BCL7C: variants seen among roughly 807,000 people sequenced by gnomAD.
BCL7C encodes the protein BAF chromatin remodeling complex subunit BCL7C.
In BCL7C, 8 loss-of-function variants were observed where a neutral mutation model predicts 26.2. The observed-to-expected ratio is 0.30, with a 90% confidence interval of 0.18 to 0.55. BCL7C has a LOEUF of 0.55. Among genes scored for constraint, BCL7C ranks in the 20% least tolerant of loss-of-function variants. The pLI is 0.93. For synonymous variants in BCL7C, 90 were observed against 116.5 expected (o/e 0.77, Z 1.47); for missense variants, 262 against 298.5 (o/e 0.88, Z 0.90).
Position 30,892,933 on chromosome 16 carries a change from C to T in BCL7C, c.187G>A (p.Gly63Ser). Residue 63 changes from glycine to serine, a missense_variant, in exon 3 of 6, where the codon GGT becomes AGT. Gly to Ser is a moderately conservative substitution (Grantham distance 56, BLOSUM62 0). Coordinates refer to ENST00000215115, the MANE Select transcript of BCL7C (RefSeq NM_004765.4). ...DPQEEERRRA[G>S]GGAERSRGRE... ...CCACGGGATCTCTCTGCCCCGCCAC[C>T]TGCCCGCCTTCGCTCCTGGGGGTTA... 6.2e-7 allele frequency: 1 copy of T among 1,612,844 alleles called. No individual in the cohort carries two copies.
chr16:30,893,019 G>T lies in BCL7C; in HGVS notation c.172-71C>A. The T allele has an allele frequency of 6.8e-7, 1 of 1,468,706 alleles. No homozygotes were observed. The highest frequency in any genetic ancestry group is 1.2e-5 in the South Asian group (1 of 82,498). The allele number at this position is 1,468,706 out of a possible 1,614,324, so 91.0% of individuals were successfully genotyped here. A position where few individuals can be genotyped will look rare whatever the true frequency, so the allele number is the denominator to read the frequency against. On this transcript the variant is annotated intron_variant, in intron 2 of 5. Transcript: ENST00000215115. The surrounding 1 kb of genome is among the most constrained non-coding windows in gnomAD (Gnocchi z 5.2). ...ATACACCTAAGGAAACTGAGGCACT[G>T]AGAAGCAAAAGGGCTCAAACTCAGG...
rs2054558990 is a variant in BCL7C, at chr16:30,834,731, G to T, written c.*217C>A. ...GCCTCAGGCACTGGATGTGGTCCGA[G>T]TTCTGCCCTAAGCCCTTCCCATGCA... On this transcript the variant is annotated 3_prime_UTR_variant, in exon 6 of 6. Coordinates refer to the BCL7C transcript ENST00000380317. This position sits in a 1 kb window ranked among gnomAD's most constrained non-coding sequence, Gnocchi z 4.3. 4.1e-6 allele frequency: 2 copies of T among 489,866 alleles called. No homozygotes were observed. The highest frequency in any genetic ancestry group is 3.9e-5 in the Admixed American group (1 of 25,854). 30.3% of individuals were successfully genotyped at this position (489,866 alleles called of 1,614,324 possible).
intron 5 of BCL7C, among the ~76,000 whole-genome samples, chr16:30,849,517 T>C (rs1474066141): frequency 6.6e-6 from 1 of 151,950 alleles, no homozygotes; most frequent in Non-Finnish European, 1.5e-5. Context: ...AGTAGCACGA[T>C]CTCAACTCAC....
Position 30,879,689 on chromosome 16 carries a change from C to CAAAAAAAAAAAAAAAAAAAAA in BCL7C, c.528+9170_528+9171insTTTTTTTTTTTTTTTTTTTTT, listed in dbSNP as rs1187827463. On this transcript the variant is annotated intron_variant, in intron 5 of 5. Transcript: ENST00000380317. ...AACACAGAGAGACTCCCCTTCTCTACAAAAAAAAAAAAAAAAAAAACTGGG... is the reference window on the plus strand; with the variant it reads ...AACACAGAGAGACTCCCCTTCTCTACAAAAAAAAAAAAAAAAAAAAAAAAAAAAAAAAAAAAAAAAACTGGG... Among the ~76,000 whole-genome samples, 184 of 29,396 alleles carry CAAAAAAAAAAAAAAAAAAAAA rather than the reference C, an allele frequency of 6.3e-3. 68 individuals carry two copies. The highest frequency in any genetic ancestry group is 0.022 in the South Asian group (6 of 272). 19.3% of individuals were successfully genotyped at this position (29,396 alleles called of 152,430 possible). A position where few individuals can be genotyped will look rare whatever the true frequency, so the allele number is the denominator to read the frequency against.
At chr16:30,839,819 T>A (rs1410551927) in intron 5 of BCL7C, among the ~76,000 whole-genome samples, 2 of 152,250 alleles carry the variant, frequency 1.3e-5, no homozygotes, top group East Asian at 3.8e-4. Context: ...CTTAGGGAAC[T>A]GTGAGATAAT....
At chr16:30,835,011 A>G in exon 6 of BCL7C, 1 of 1,548,474 alleles carries the variant, frequency 6.5e-7, no homozygotes, top group South Asian at 1.2e-5. Flanking sequence ...CTCCCCCGGG[A>G]GCTCTGGTGT....
At chr16:30,881,073 C>A (rs2055035533) in intron 5 of BCL7C, among the ~76,000 whole-genome samples, 1 of 152,020 alleles carries the variant, frequency 6.6e-6, no homozygotes, top group Admixed American at 6.6e-5. Flanking sequence ...GGGGAAAAAA[C>A]CTGTGAATGA....
chr16:30,885,632 G>C (rs2055121195), downstream of BCL7C, among the ~76,000 whole-genome samples: 1 of 152,078 alleles, frequency 6.6e-6, no homozygotes. Context: ...TCACACTCCT[G>C]ACCTCAGGTG....
chr16:30,870,450 A>G (rs1204224244), intron 5 of BCL7C, among the ~76,000 whole-genome samples: 6 of 152,128 alleles, frequency 3.9e-5, no homozygotes, highest in Admixed American at 3.3e-4. Context: ...GGATCACTTG[A>G]GCCCAGGAGT....
downstream of BCL7C, among the ~76,000 whole-genome samples, chr16:30,887,257 C>T (rs941041826): frequency 2.0e-5 from 3 of 151,492 alleles, no homozygotes; most frequent in Non-Finnish European, 2.9e-5. Flanking sequence ...TGCAGTGAGG[C>T]GAGATTGCGC....
intron 5 of BCL7C, among the ~76,000 whole-genome samples, chr16:30,835,503 C>A (rs1033921047): frequency 6.6e-6 from 1 of 152,098 alleles, no homozygotes; most frequent in African/African-American, 2.4e-5. Context: ...CATCCACAGG[C>A]CATCAGGGAT....
rs370054307 is a variant in BCL7C at position 30,835,966 on chromosome 16, C to G, written c.529-818G>C. On this transcript the variant is annotated intron_variant, in intron 5 of 5. Transcript: ENST00000380317. ...CTTGAAGCCAGGGGTTCAAGACCAG[C>G]CTGGGGCCAGGCGTGGTGGCTCACG... Among the ~76,000 whole-genome samples, 229 of 151,548 alleles carry G rather than the reference C, an allele frequency of 1.5e-3. 7 individuals carry two copies. The highest frequency in any genetic ancestry group is 5.1e-3 in the African/African-American group (211 of 41,352).
intron 5 of BCL7C, among the ~76,000 whole-genome samples, chr16:30,860,945 C>T (rs2054766171): frequency 6.6e-6 from 1 of 152,134 alleles, no homozygotes; most frequent in African/African-American, 2.4e-5. Context: ...CCCCTCCTCA[C>T]ACCCGGTCCG....
intron 5 of BCL7C, among the ~76,000 whole-genome samples, chr16:30,855,294 A>C (rs2054710110): frequency 6.6e-6 from 1 of 152,036 alleles, no homozygotes; most frequent in African/African-American, 2.4e-5. Flanking sequence ...GCTGGAGTGC[A>C]GTGACATGAT....
chr16:30,844,539 T>G (rs893134412), intron 5 of BCL7C, among the ~76,000 whole-genome samples: 2 of 152,074 alleles, frequency 1.3e-5, no homozygotes, highest in African/African-American at 4.8e-5. Flanking sequence ...GCCACACTGG[T>G]GGGTTAAATG....
At chr16:30,855,144 G>C (rs1281369238) in intron 5 of BCL7C, among the ~76,000 whole-genome samples, 1 of 152,162 alleles carries the variant, frequency 6.6e-6, no homozygotes, top group Non-Finnish European at 1.5e-5. Context: ...AGATCATCAT[G>C]GTGCTGAGAG....
intron 4 of BCL7C, among the ~76,000 whole-genome samples, chr16:30,891,991 G>T (rs1321228464): frequency 6.6e-6 from 1 of 151,678 alleles, no homozygotes; most frequent in Non-Finnish European, 1.5e-5. Flanking sequence ...CCGGGTGTGG[G>T]TGTGATGGCT....
chr16:30,889,048 G>T (rs1389976003), intron 4 of BCL7C, 103 bp from the exon 5 acceptor site: 5 of 1,127,064 alleles, frequency 4.4e-6, no homozygotes, highest in Non-Finnish European at 4.0e-6. Flanking sequence ...ACAGAGGGCA[G>T]AGGGCCATGG....
rs1038513441 is a variant in BCL7C, at chr16:30,892,674, G to T, written c.354C>A (p.Thr118=). The change falls in exon 4 of 6, where the codon ACC becomes ACA. Residue 118 remains threonine (T), a synonymous_variant. Coordinates refer to ENST00000215115, the MANE Select transcript of BCL7C (RefSeq NM_004765.4). ...GTGACACAGGGCGGCTGGGCTGGGG[G>T]GTGCCCCCAGGACTGGGCTCTGTGC... The part of the protein sequence containing the change: ...QKGTEPSPGG[T]PQPSRPVSPA... 1 of 1,614,000 alleles carries T rather than the reference G, an allele frequency of 6.2e-7. No homozygotes were observed. The highest frequency in any genetic ancestry group is 8.5e-7 in the Non-Finnish European group (1 of 1,179,952).
Sources: gnomAD v4.1 joint callset for allele counts (sites outside exome capture counted in the v4.1 genomes callset) on GRCh38, gnomAD v4.1.1 for gene constraint, Gnocchi (gnomAD v3.1) non-coding constraint, MANE v1.5 for transcripts, NCBI Gene and HGNC (gene_info 2026-07-23, HGNC 2026-07-21) for gene names.